The following NLGN1 variants were observed in gnomAD, a reference collection of about 807,000 sequenced individuals.
NLGN1 encodes neuroligin 1.
A neutral mutation model predicts 65.5 loss-of-function variants in NLGN1; 12 were observed. That is an observed-to-expected ratio of 0.18 (90% CI 0.12 to 0.30). The LOEUF is 0.30. NLGN1 is among the 10% of genes least tolerant of loss of function. NLGN1 has a pLI of 1.00. For synonymous variants in NLGN1, 350 were observed against 359.5 expected (o/e 0.97, Z 0.30); for missense variants, 750 against 1,007.1 (o/e 0.74, Z 3.46).
intron 4 of NLGN1, among the ~76,000 whole-genome samples, chr3:174,271,630 C>T (rs891756990): frequency 1.3e-5 from 2 of 151,812 alleles, no homozygotes; most frequent in Non-Finnish European, 2.9e-5. Flanking sequence ...GCACTTGAGA[C>T]TAACTCTAGT....
chr3:173,414,197 T>C lies in NLGN1; in HGVS notation c.-390+15710T>C, dbSNP rs376672670. 9.2e-5 allele frequency among the ~76,000 whole-genome samples: 14 copies of C among 152,334 alleles called. 1 individual carries two copies. The East Asian group carries it at 9.7e-4, about 11-fold the overall frequency. On this transcript the variant is annotated intron_variant, in intron 1 of 6. Coordinates refer to ENST00000457714, the Ensembl canonical transcript of NLGN1. ...TTTCAAGCTATGTCTGCAAGCAAAC[T>C]GGTAGCTGTGTTGCTGACTTAACAG...
At chr3:173,574,731 A>G (rs1446756334) in intron 2 of NLGN1, among the ~76,000 whole-genome samples, 1 of 152,194 alleles carries the variant, frequency 6.6e-6, no homozygotes, top group Admixed American at 6.5e-5. Context: ...CAGTAGAATG[A>G]TTGTTCAACT....
At chr3:173,581,045 C>T (rs1746315351) in intron 2 of NLGN1, among the ~76,000 whole-genome samples, 1 of 151,944 alleles carries the variant, frequency 6.6e-6, no homozygotes, top group Non-Finnish European at 1.5e-5. Context: ...CCTTATCTTT[C>T]TATTATCAAA....
Position 173,539,684 on chromosome 3 carries a change from A to T in NLGN1, c.-320-64595A>T, listed in dbSNP as rs1302329656. ...GTATATATGCACATATATAACATAC[A>T]TATATGTACATATGCACATATATAC... On this transcript the variant is annotated intron_variant, in intron 2 of 6. Coordinates refer to ENST00000457714, the Ensembl canonical transcript of NLGN1. Among the ~76,000 whole-genome samples the T allele has an allele frequency of 2.1e-5, 3 of 139,912 alleles. 1 individual carries two copies. The highest frequency in any genetic ancestry group is 7.9e-5 in the African/African-American group (3 of 38,204). 91.8% of individuals were successfully genotyped at this position (139,912 alleles called of 152,430 possible). A position where few individuals can be genotyped will look rare whatever the true frequency, so the allele number is the denominator to read the frequency against.
chr3:173,569,707 A>G (rs1744315168), intron 2 of NLGN1, among the ~76,000 whole-genome samples: 1 of 151,460 alleles, frequency 6.6e-6, no homozygotes, highest in African/African-American at 2.4e-5. Context: ...TAATGTAGGT[A>G]TCTAGCAAGA....
chr3:173,947,479 C>T (rs1336158227), intron 4 of NLGN1, among the ~76,000 whole-genome samples: 1 of 152,152 alleles, frequency 6.6e-6, no homozygotes, highest in Non-Finnish European at 1.5e-5. Flanking sequence ...ATATAAAGCT[C>T]TTAGCATAAT....
chr3:173,848,456 C>T (rs1013110739), intron 4 of NLGN1, among the ~76,000 whole-genome samples: 13 of 152,134 alleles, frequency 8.5e-5, no homozygotes, highest in African/African-American at 2.7e-4. Flanking sequence ...TAAATGTTAA[C>T]GTTTAGACAT....
At chr3:173,887,417 G>A (rs1734553394) in intron 4 of NLGN1, among the ~76,000 whole-genome samples, 1 of 151,884 alleles carries the variant, frequency 6.6e-6, no homozygotes, top group Admixed American at 6.6e-5. Flanking sequence ...ATTAGTTTTA[G>A]TGATCATGAA....
chr3:173,902,773 A>T (rs1054077148), intron 4 of NLGN1, among the ~76,000 whole-genome samples: 4 of 152,114 alleles, frequency 2.6e-5, no homozygotes, highest in African/African-American at 7.2e-5. Flanking sequence ...GACTATAACT[A>T]TTCTGTGAGC....
intron 4 of NLGN1, among the ~76,000 whole-genome samples, chr3:173,820,700 T>C (rs1338623350): frequency 6.6e-6 from 1 of 152,196 alleles, no homozygotes; most frequent in Non-Finnish European, 1.5e-5. Context: ...TCTGAAAATA[T>C]CCTACTCTAC....
At position 173,832,298 on chromosome 3, in the gene NLGN1, G is replaced by A. The variant is rs114673354; in HGVS notation, c.646+24466G>A. Among the ~76,000 whole-genome samples, 833 of 152,180 alleles carry A rather than the reference G, an allele frequency of 5.5e-3. 2 individuals carry two copies. Among genetic ancestry groups the A allele is most frequent in the Middle Eastern group, 0.01 (3 of 294 alleles). On this transcript the variant is annotated intron_variant, in intron 4 of 6. Transcript: ENST00000457714. Reference sequence around the variant, plus strand: ...TTCTTAAAAGAAAATTATTTCTCCTGACCAATGAATCACAAAATTTCTCAT... The same window carrying A: ...TTCTTAAAAGAAAATTATTTCTCCTAACCAATGAATCACAAAATTTCTCAT...
intron 2 of NLGN1, among the ~76,000 whole-genome samples, chr3:173,446,705 C>T (rs1720420447): frequency 6.6e-6 from 1 of 152,154 alleles, no homozygotes; most frequent in South Asian, 2.1e-4. Context: ...TACTATTTGT[C>T]CACATCCTCT....
At chr3:173,533,056 G>A (rs1736856976) in intron 2 of NLGN1, among the ~76,000 whole-genome samples, 1 of 152,146 alleles carries the variant, frequency 6.6e-6, no homozygotes, top group Non-Finnish European at 1.5e-5. Flanking sequence ...GTCCTTTCCT[G>A]TAGTTACTTA....
intron 1 of NLGN1, among the ~76,000 whole-genome samples, chr3:173,403,052 A>G (rs943221216): frequency 1.3e-5 from 2 of 152,152 alleles, no homozygotes; most frequent in African/African-American, 4.8e-5. Flanking sequence ...TGGAATGCCT[A>G]TGTGAAAATT....
At position 174,279,537 on chromosome 3, in the gene NLGN1, A is replaced by G; in HGVS notation, c.1536A>G (p.Val512=). 2 of 1,613,174 alleles carry G rather than the reference A, an allele frequency of 1.2e-6. No homozygotes were observed. Among genetic ancestry groups the G allele is most frequent in the Non-Finnish European group, 1.7e-6 (2 of 1,179,512 alleles). ...CCCACGGAGACGAGGTTCCCTATGT[A>G]CTGGGAATCCCCATGATTGGCCCTA... The change falls in exon 6 of 7, where the codon GTA becomes GTG. Residue 512 remains valine, a synonymous_variant. Coordinates refer to ENST00000457714, the Ensembl canonical transcript of NLGN1. The surrounding 1 kb of genome is among the most constrained non-coding windows in gnomAD (Gnocchi z 4.7).
At chr3:173,938,456 T>C (rs1352813857) in intron 4 of NLGN1, among the ~76,000 whole-genome samples, 1 of 152,200 alleles carries the variant, frequency 6.6e-6, no homozygotes, top group Non-Finnish European at 1.5e-5. Context: ...TTCAGTGATC[T>C]GCAGTGAACA....
intron 4 of NLGN1, among the ~76,000 whole-genome samples, chr3:173,966,646 G>C (rs969391146): frequency 2.6e-5 from 4 of 152,174 alleles, no homozygotes; most frequent in African/African-American, 9.7e-5. Flanking sequence ...AAGTGGACTT[G>C]ATAAGTTGTG....
At chr3:173,970,025 A>G (rs1715848660) in intron 4 of NLGN1, among the ~76,000 whole-genome samples, 1 of 152,100 alleles carries the variant, frequency 6.6e-6, no homozygotes, top group Non-Finnish European at 1.5e-5. Flanking sequence ...TGCACTTGAT[A>G]TGCATTAAGT....
intron 4 of NLGN1, among the ~76,000 whole-genome samples, chr3:174,084,518 T>G (rs893037317): frequency 3.9e-5 from 6 of 152,264 alleles, no homozygotes; most frequent in Admixed American, 3.9e-4. Context: ...TATATTCATT[T>G]AATCTTTGTC....
Sources: allele counts gnomAD v4.1 joint callset (sites outside exome capture counted in the v4.1 genomes callset), GRCh38; gene constraint gnomAD v4.1.1; non-coding constraint Gnocchi (gnomAD v3.1); transcripts MANE v1.5; gene names NCBI Gene and HGNC (gene_info 2026-07-23, HGNC 2026-07-21).